Variants in SYT10 observed in about 807,000 individuals in gnomAD.
SYT10 encodes synaptotagmin 10, also known as synaptotagmin-10.
Under a neutral mutation model 51.1 loss-of-function variants are expected in SYT10, and 31 were observed. The ratio of observed to expected loss-of-function variants is 0.61; its 90% CI spans 0.46 to 0.82. The LOEUF (loss-of-function observed/expected upper bound fraction) is 0.82. SYT10 is among the 40% of genes least tolerant of loss of function. The pLI, the probability that SYT10 is intolerant of heterozygous loss-of-function variation, is 0.00. For synonymous variants in SYT10, 233 were observed against 225.9 expected (o/e 1.03, Z -0.28); for missense variants, 603 against 634.0 (o/e 0.95, Z 0.53).
At chr12:33,402,288 A>T (rs888361304) in intron 3 of SYT10, among the ~76,000 whole-genome samples, 13 of 152,204 alleles carry the variant, frequency 8.5e-5, no homozygotes, top group African/African-American at 3.1e-4. Flanking sequence ...TTTCATATTC[A>T]CACTTTACTT....
intron 1 of SYT10, among the ~76,000 whole-genome samples, chr12:33,438,509 C>A (rs1332031899): frequency 6.6e-6 from 1 of 152,148 alleles, no homozygotes; most frequent in Admixed American, 6.5e-5. Context: ...TGGATTCGAT[C>A]CTTTCCACCC....
At chr12:33,434,537 C>T (rs899131476) in intron 1 of SYT10, among the ~76,000 whole-genome samples, 4 of 152,196 alleles carry the variant, frequency 2.6e-5, no homozygotes, top group Non-Finnish European at 5.9e-5. Context: ...GGTGCAGTAG[C>T]TCACGCCTGT....
intron 1 of SYT10, chr12:33,432,187 T>C (rs1866603078): frequency 6.6e-6 from 1 of 152,150 alleles, no homozygotes; most frequent in Non-Finnish European, 1.5e-5. Context: ...TTCCATGTGA[T>C]TAAAAAGCAT....
At chr12:33,382,115 A>G (rs1866120310) in intron 5 of SYT10, among the ~76,000 whole-genome samples, 1 of 152,170 alleles carries the variant, frequency 6.6e-6, no homozygotes, top group African/African-American at 2.4e-5. Flanking sequence ...GTTCTATACT[A>G]CTTCTGGACC....
At chr12:33,393,855 G>A (rs531359827) in intron 3 of SYT10, among the ~76,000 whole-genome samples, 1 of 152,260 alleles carries the variant, frequency 6.6e-6, no homozygotes, top group East Asian at 1.9e-4. Context: ...GTTTCATATA[G>A]TACGTGCCTT....
In SYT10 at chr12:33,375,271, TC is replaced by T. The variant is rs1866052848; in HGVS notation, c.*1558del. 6.6e-6 allele frequency: 1 copy of T among 152,090 alleles called. No homozygotes were observed. Among genetic ancestry groups the T allele is most frequent in the African/African-American group, 2.4e-5 (1 of 41,446 alleles). 9.4% of individuals were successfully genotyped at this position (152,090 alleles called of 1,614,324 possible). Reference sequence around the variant, plus strand: ...TACCTCTTAATTAACAGTAATGCCATCACTATAAGAGATGTCAACAAAATTT... The same window carrying T: ...TACCTCTTAATTAACAGTAATGCCATACTATAAGAGATGTCAACAAAATTT... On this transcript the variant is annotated 3_prime_UTR_variant, in exon 7 of 7. Coordinates refer to ENST00000228567, the MANE Select transcript of SYT10 (RefSeq NM_198992.4).
At chr12:33,419,676 T>A (rs1866484039) in intron 2 of SYT10, among the ~76,000 whole-genome samples, 1 of 151,870 alleles carries the variant, frequency 6.6e-6, no homozygotes, top group African/African-American at 2.4e-5. Flanking sequence ...CTCTCCATGT[T>A]TAAAAAAATA....
chr12:33,439,272 C>CCGCGGGAGCGG, intron 1 of SYT10, 100 bp downstream of exon 1: 1 of 1,449,126 alleles, frequency 6.9e-7, no homozygotes, highest in East Asian at 2.3e-5. Flanking sequence ...CCCAAATATG[C>CCGCGGGAGCGG]CGCGGGAGCG....
chr12:33,375,340 A>AT lies in SYT10; in HGVS notation c.*1489dup, dbSNP rs1383305481. Reference sequence around the variant, plus strand: ...TTTTTTAATATTTAGAAATAATGGGATTTTACAAAAATAAAAATTTCATAA... The same window carrying AT: ...TTTTTTAATATTTAGAAATAATGGGATTTTTACAAAAATAAAAATTTCATAA... On this transcript the variant is annotated 3_prime_UTR_variant, in exon 7 of 7. Transcript: ENST00000228567. The AT allele has an allele frequency of 6.6e-6, 1 of 152,042 alleles. No individual in the cohort carries two copies. The highest frequency in any genetic ancestry group is 2.4e-5 in the African/African-American group (1 of 41,434). The allele number at this position is 152,042 out of a possible 1,614,324, so 9.4% of individuals were successfully genotyped here. A position where few individuals can be genotyped will look rare whatever the true frequency, so the allele number is the denominator to read the frequency against.
chr12:33,426,099 C>T lies in SYT10; in HGVS notation c.509+39G>A, dbSNP rs10844595. 160,222 of 1,512,706 alleles carry T rather than the reference C, an allele frequency of 0.11. 9,775 individuals are homozygous for T. Among genetic ancestry groups the T allele is most frequent in the Admixed American group, 0.2 (9,684 of 47,646 alleles). The allele number at this position is 1,512,706 out of a possible 1,614,324, so 93.7% of individuals were successfully genotyped here. On this transcript the variant is annotated intron_variant, in intron 2 of 6. Transcript: ENST00000228567. ...ACACACACACACACACACACACACA[C>T]GCACACACACCAGTTTTATATATTT...
chr12:33,376,999 A>C, intron 6 of SYT10, 98 bp from the exon 7 acceptor site: 1 of 1,256,436 alleles, frequency 8.0e-7, no homozygotes, highest in Non-Finnish European at 1.1e-6. Flanking sequence ...CAACCATAAT[A>C]TGCGAATCTC....
At chr12:33,408,356 G>A (rs1013055395) in intron 2 of SYT10, 17 of 151,956 alleles carry the variant, frequency 1.1e-4, no homozygotes, top group African/African-American at 3.9e-4. Flanking sequence ...TAGAATTTGA[G>A]CCCAACAAAA....
chr12:33,378,874 G>C (rs1391007651), intron 6 of SYT10, among the ~76,000 whole-genome samples: 2 of 151,504 alleles, frequency 1.3e-5, no homozygotes, highest in Admixed American at 1.3e-4. Context: ...GTGTGTGTGT[G>C]TGTCTGTCTT....
chr12:33,429,373 G>C (rs966142960), intron 1 of SYT10, among the ~76,000 whole-genome samples: 4 of 152,198 alleles, frequency 2.6e-5, no homozygotes, highest in African/African-American at 9.6e-5. Flanking sequence ...GATATTTGAA[G>C]AGCATGAGAA....
chr12:33,378,000 C>T (rs896765350), intron 6 of SYT10, among the ~76,000 whole-genome samples: 2 of 151,992 alleles, frequency 1.3e-5, no homozygotes, highest in Non-Finnish European at 1.5e-5. Flanking sequence ...ATAACTGTTC[C>T]CTTCTCATAT....
rs187379345 is a variant in SYT10 at position 33,426,046 on chromosome 12, T to A, written c.509+92A>T. The A allele has an allele frequency of 4.1e-5, 54 of 1,332,426 alleles. No individual in the cohort carries two copies. In the African/African-American group the frequency reaches 6.7e-4, roughly 17 times the overall value. 82.5% of individuals were successfully genotyped at this position (1,332,426 alleles called of 1,614,324 possible). A position where few individuals can be genotyped will look rare whatever the true frequency, so the allele number is the denominator to read the frequency against. The stretch of plus-strand genomic sequence containing the variant: ...TCTCTTTTCTCCCAACTAAAGTTTT[T>A]CTCTCTTATGAAATTTCACACACAC... On this transcript the variant is annotated intron_variant, in intron 2 of 6. Coordinates refer to ENST00000228567, the MANE Select transcript of SYT10 (RefSeq NM_198992.4).
intron 3 of SYT10, among the ~76,000 whole-genome samples, chr12:33,403,962 A>C (rs1866329350): frequency 6.6e-6 from 1 of 152,230 alleles, no homozygotes. Flanking sequence ...AATATTCTGA[A>C]TAATGTGTGG....
intron 2 of SYT10, among the ~76,000 whole-genome samples, chr12:33,422,071 C>T (rs1866509982): frequency 6.7e-6 from 1 of 149,414 alleles, no homozygotes; most frequent in Admixed American, 6.7e-5. Context: ...TTTGTTAAGG[C>T]ATCAAAACTT....
At chr12:33,395,569 A>C (rs1866249078) in intron 3 of SYT10, among the ~76,000 whole-genome samples, 1 of 152,176 alleles carries the variant, frequency 6.6e-6, no homozygotes, top group African/African-American at 2.4e-5. Flanking sequence ...TAATAACCCA[A>C]ATATGGATTT....
Sources: allele counts gnomAD v4.1 joint callset (sites outside exome capture counted in the v4.1 genomes callset), GRCh38; gene constraint gnomAD v4.1.1; transcripts MANE v1.5; gene names NCBI Gene and HGNC (gene_info 2026-07-23, HGNC 2026-07-21).